MEF2C: variants seen among roughly 807,000 people sequenced by gnomAD.
MEF2C encodes the protein myocyte enhancer factor 2C.
A neutral mutation model predicts 50.5 loss-of-function variants in MEF2C; 6 were observed. The ratio of observed to expected loss-of-function variants is 0.12; its 90% CI spans 0.07 to 0.23. The LOEUF (loss-of-function observed/expected upper bound fraction) is 0.23, where lower values mean the gene tolerates loss of function less well. Ranked by LOEUF, MEF2C falls within the 10% of genes least tolerant of loss-of-function variation. The pLI is 1.00. For synonymous variants in MEF2C, 183 were observed against 228.0 expected, an observed-to-expected ratio of 0.80 and a Z score of 1.78; for missense variants, 276 against 605.0, an observed-to-expected ratio of 0.46 and a Z score of 5.70.
At chr5:88,821,100 AATG>A (rs1808115242) in intron 2 of MEF2C, among the ~76,000 whole-genome samples, 1 of 152,030 alleles carries the variant, frequency 6.6e-6, no homozygotes, top group Admixed American at 6.6e-5. Flanking sequence ...AATTTAAAAA[AATG>A]ATAAGTCAAA....
At chr5:88,896,010 G>A (rs1327626451) in intron 1 of MEF2C, among the ~76,000 whole-genome samples, 1 of 152,024 alleles carries the variant, frequency 6.6e-6, no homozygotes, top group Non-Finnish European at 1.5e-5. Flanking sequence ...GTTTTAGGGA[G>A]CACTTTCAGT....
Position 88,805,813 on chromosome 5 carries a change from C to T in MEF2C, c.55-1012G>A, listed in dbSNP as rs1051747445. Among the ~76,000 whole-genome samples the T allele has an allele frequency of 1.4e-3, 188 of 135,640 alleles. 1 individual carries two copies. Among genetic ancestry groups the T allele is most frequent in the Middle Eastern group, 7.9e-3 (2 of 252 alleles). The allele number at this position is 135,640 out of a possible 152,430, so 89.0% of individuals were successfully genotyped here. On this transcript the variant is annotated intron_variant, in intron 2 of 10. Coordinates refer to ENST00000504921, the MANE Select transcript of MEF2C (RefSeq NM_002397.5). ...TGCTCCAGTCTGGCTACTGAAAAGG[C>T]GTGAACATTCTTTTTTTTTTTTTTT... is the stretch of plus-strand genomic sequence containing the variant.
intron 6 of MEF2C, chr5:88,739,754 G>T (rs1307418451): frequency 1.0e-5 from 10 of 984,440 alleles, no homozygotes; most frequent in East Asian, 2.3e-4. Context: ...GAGAAAAAAA[G>T]ATATTTTACA....
chr5:88,737,628 T>C lies in MEF2C; in HGVS notation c.638-5727A>G, dbSNP rs926288623. 14 of 985,304 alleles carry C rather than the reference T, an allele frequency of 1.4e-5. 3 individuals carry two copies. Among genetic ancestry groups the C allele is most frequent in the Admixed American group, 6.1e-5 (1 of 16,262 alleles). The allele number at this position is 985,304 out of a possible 1,614,324, so 61.0% of individuals were successfully genotyped here. A position where few individuals can be genotyped will look rare whatever the true frequency, so the allele number is the denominator to read the frequency against. ...GAAAAGAATGGTGGCAGGGTGGCTA[T>C]TAAGAGTGAACAGGAATTTATCAGA... On this transcript the variant is annotated intron_variant, in intron 6 of 10. Transcript: ENST00000504921.
At position 88,722,545 on chromosome 5, in the gene MEF2C, A is replaced by G; in HGVS notation, c.*59T>C. Reference sequence around the variant, plus strand: ...GCATATCGACCCCCCTTCCCCATTAAGGTATAGCACACACACACACTGCAA... The same window carrying G: ...GCATATCGACCCCCCTTCCCCATTAGGGTATAGCACACACACACACTGCAA... On this transcript the variant is annotated 3_prime_UTR_variant, in exon 11 of 11. Transcript: ENST00000504921. The G allele has an allele frequency of 1.4e-6, 2 of 1,429,856 alleles. No individual in the cohort carries two copies. The highest frequency in any genetic ancestry group is 1.3e-5 in the South Asian group (1 of 75,956). 88.6% of individuals were successfully genotyped at this position (1,429,856 alleles called of 1,614,324 possible).
intron 3 of MEF2C, among the ~76,000 whole-genome samples, chr5:88,784,675 T>C (rs1789954220): frequency 6.6e-6 from 1 of 152,204 alleles, no homozygotes; most frequent in South Asian, 2.1e-4. Context: ...TCAAAGGTAA[T>C]AATTTCCCAA....
At chr5:88,776,825 GC>G (rs1011499921) in intron 3 of MEF2C, among the ~76,000 whole-genome samples, 28 of 152,220 alleles carry the variant, frequency 1.8e-4, no homozygotes, top group African/African-American at 6.5e-4. Context: ...TTTATGACAG[GC>G]CATCAGCAAT....
intron 1 of MEF2C, chr5:88,881,399 CTTT>C (rs1832784073): frequency 6.6e-6 from 1 of 152,100 alleles, no homozygotes; most frequent in African/African-American, 2.4e-5. Context: ...AATAATATGG[CTTT>C]TTAACTGCAT....
chr5:88,882,002 G>T (rs1177341241), intron 1 of MEF2C, among the ~76,000 whole-genome samples: 14 of 152,074 alleles, frequency 9.2e-5, no homozygotes, highest in Admixed American at 9.2e-4. Flanking sequence ...ACAAAAAAAG[G>T]CTCTCCCCAA....
intron 3 of MEF2C, chr5:88,785,373 T>C (rs1790383666): frequency 1.3e-5 from 2 of 151,814 alleles, no homozygotes; most frequent in South Asian, 2.1e-4. Context: ...AAAGCCATCC[T>C]ACTCCAGAAA....
At chr5:88,872,424 T>A (rs1200820453) in intron 1 of MEF2C, among the ~76,000 whole-genome samples, 1 of 152,012 alleles carries the variant, frequency 6.6e-6, no homozygotes, top group East Asian at 1.9e-4. Context: ...TTGATTTTTT[T>A]GGAGAAAGAA....
chr5:88,768,775 T>G (rs1289846781), intron 3 of MEF2C: 1 of 709,990 alleles, frequency 1.4e-6, no homozygotes, highest in African/African-American at 1.9e-5. Flanking sequence ...TACTACCATT[T>G]CACACTACGT....
At chr5:88,815,346 C>G (rs1001074015) in intron 2 of MEF2C, among the ~76,000 whole-genome samples, 5 of 152,020 alleles carry the variant, frequency 3.3e-5, no homozygotes, top group Admixed American at 2.6e-4. Context: ...TATTTTCTCC[C>G]CCAGGGCCTT....
At position 88,722,571 on chromosome 5, in the gene MEF2C, GA is replaced by G. The variant is rs56660854; in HGVS notation, c.*32del. On this transcript the variant is annotated 3_prime_UTR_variant, in exon 11 of 11. Transcript: ENST00000504921. ...GGTATAGCACACACACACACTGCAAGAAAAAAAAAAAAACTAGTAAGTAATA... is the reference window on the plus strand; with the variant it reads ...GGTATAGCACACACACACACTGCAAGAAAAAAAAAAAACTAGTAAGTAATA... The G allele has an allele frequency of 0.14, 171,170 of 1,225,472 alleles. 4,146 individuals are homozygous for G. The highest frequency in any genetic ancestry group is 0.37 in the African/African-American group (23,980 of 65,430). 75.9% of individuals were successfully genotyped at this position (1,225,472 alleles called of 1,614,324 possible). A position where few individuals can be genotyped will look rare whatever the true frequency, so the allele number is the denominator to read the frequency against.
intron 2 of MEF2C, among the ~76,000 whole-genome samples, chr5:88,811,212 AG>A (rs1396324353): frequency 6.6e-6 from 1 of 152,188 alleles, no homozygotes; most frequent in Admixed American, 6.5e-5. Context: ...AACCATTGAA[AG>A]AATCTGGAAT....
chr5:88,814,107 G>C (rs571829808), intron 2 of MEF2C, among the ~76,000 whole-genome samples: 1 of 152,222 alleles, frequency 6.6e-6, no homozygotes, highest in East Asian at 1.9e-4. Context: ...CTGGAGTCAA[G>C]AGTCTGCAAC....
At chr5:88,806,352 T>A (rs1210236627) in intron 2 of MEF2C, among the ~76,000 whole-genome samples, 2 of 152,198 alleles carry the variant, frequency 1.3e-5, no homozygotes, top group African/African-American at 2.4e-5. Flanking sequence ...CCAATGCATG[T>A]CCTCCAGTTC....
chr5:88,880,274 T>C (rs1464685481), intron 1 of MEF2C, among the ~76,000 whole-genome samples: 1 of 152,194 alleles, frequency 6.6e-6, no homozygotes, highest in African/African-American at 2.4e-5. Flanking sequence ...AGTGTAACTT[T>C]ATTAATAATC....
intron 1 of MEF2C, 92 bp from the exon 2 acceptor site, chr5:88,824,022 T>A: frequency 8.5e-7 from 1 of 1,181,860 alleles, no homozygotes; most frequent in Non-Finnish European, 1.1e-6. Flanking sequence ...AAATAAACTA[T>A]ATGGAGCTAA....
Sources: allele counts gnomAD v4.1 joint callset (sites outside exome capture counted in the v4.1 genomes callset), GRCh38; gene constraint gnomAD v4.1.1; transcripts MANE v1.5; gene names NCBI Gene and HGNC (gene_info 2026-07-23, HGNC 2026-07-21).